The following TCF7L2 variants were observed in gnomAD, a reference collection of about 807,000 sequenced individuals.
TCF7L2 encodes the protein transcription factor 7 like 2, also known as transcription factor 7-like 2.
Under a neutral mutation model 77.9 loss-of-function variants are expected in TCF7L2, and 23 were observed. The ratio of observed to expected loss-of-function variants is 0.30; its 90% confidence interval spans 0.21 to 0.42. The LOEUF (loss-of-function observed/expected upper bound fraction) is 0.42, where lower values mean the gene tolerates loss of function less well. Ranked by LOEUF, TCF7L2 falls within the 10% of genes least tolerant of loss-of-function variation. The probability of loss-of-function intolerance (pLI) is 1.00; values close to 1 mark genes in which losing one functional copy is unlikely to be tolerated. For missense variants in TCF7L2, 654 were observed against 793.1 expected (o/e 0.82, Z 2.11); for synonymous variants, 413 against 340.2 (o/e 1.21, Z -2.36).
chr10:113,119,328 G>C (rs1228987007), intron 5 of TCF7L2, among the ~76,000 whole-genome samples: 1 of 152,128 alleles, frequency 6.6e-6, no homozygotes, highest in East Asian at 1.9e-4. Flanking sequence ...GGCTATTGCT[G>C]CGGACCACGC....
chr10:113,059,230 G>A (rs2055980457), intron 5 of TCF7L2, among the ~76,000 whole-genome samples: 1 of 152,054 alleles, frequency 6.6e-6, no homozygotes, highest in Non-Finnish European at 1.5e-5. Flanking sequence ...CCAGAGTTTG[G>A]ACTGTTAGGT....
intron 5 of TCF7L2, among the ~76,000 whole-genome samples, chr10:113,084,926 A>C (rs2059682813): frequency 6.6e-6 from 1 of 151,926 alleles, no homozygotes; most frequent in Admixed American, 6.6e-5. Flanking sequence ...AAAAAAACAA[A>C]AAACCCTGAC....
chr10:113,109,389 GTTTA>G (rs1385759231), intron 5 of TCF7L2, among the ~76,000 whole-genome samples: 1 of 152,068 alleles, frequency 6.6e-6, no homozygotes, highest in Non-Finnish European at 1.5e-5. Context: ...ATTTTTATTT[GTTTA>G]TTTATTTTTT....
At chr10:113,137,097 A>C (rs1316351193) in intron 5 of TCF7L2, among the ~76,000 whole-genome samples, 2 of 152,024 alleles carry the variant, frequency 1.3e-5, no homozygotes, top group African/African-American at 4.8e-5. Flanking sequence ...GACTTTTCTC[A>C]CAAGAGATAT....
At chr10:113,065,715 T>G (rs1318201201) in intron 5 of TCF7L2, among the ~76,000 whole-genome samples, 4 of 152,164 alleles carry the variant, frequency 2.6e-5, no homozygotes, top group African/African-American at 9.7e-5. Flanking sequence ...CTTGAGAAGT[T>G]AATAATCTCC....
intron 4 of TCF7L2, among the ~76,000 whole-genome samples, chr10:112,995,251 G>A (rs1441048451): frequency 6.6e-6 from 1 of 152,244 alleles, no homozygotes; most frequent in Non-Finnish European, 1.5e-5. Context: ...GACTGGGCTA[G>A]AGGTGAAGAA....
chr10:113,027,794 T>A (rs2049461013), intron 4 of TCF7L2, among the ~76,000 whole-genome samples: 1 of 151,872 alleles, frequency 6.6e-6, no homozygotes. Flanking sequence ...CTCACCCTAT[T>A]CAACCCAGCC....
At chr10:113,077,803 G>T (rs1180930083) in intron 5 of TCF7L2, among the ~76,000 whole-genome samples, 2 of 150,448 alleles carry the variant, frequency 1.3e-5, no homozygotes, top group Non-Finnish European at 3.0e-5. Flanking sequence ...AGGTTCAGGC[G>T]ATTCACCTGC....
intron 8 of TCF7L2, among the ~76,000 whole-genome samples, chr10:113,150,535 T>C (rs1318175545): frequency 6.6e-6 from 1 of 152,226 alleles, no homozygotes; most frequent in Non-Finnish European, 1.5e-5. Context: ...TTGCACAGCA[T>C]TGTCAAAAAT....
intron 4 of TCF7L2, among the ~76,000 whole-genome samples, chr10:112,965,064 A>G (rs1564719975): frequency 6.6e-6 from 1 of 152,030 alleles, no homozygotes; most frequent in African/African-American, 2.4e-5. Flanking sequence ...GAGAGGTGGG[A>G]GAGGAGGCCG....
intron 4 of TCF7L2, among the ~76,000 whole-genome samples, chr10:113,017,388 AGC>A (rs2047521775): frequency 5.1e-5 from 2 of 39,440 alleles, no homozygotes; most frequent in Admixed American, 1.7e-4. Context: ...CCAGTGGTGG[AGC>A]GGGAGCTCAG....
chr10:113,090,375 G>A (rs1395759211), intron 5 of TCF7L2, among the ~76,000 whole-genome samples: 1 of 152,152 alleles, frequency 6.6e-6, no homozygotes, highest in Non-Finnish European at 1.5e-5. Flanking sequence ...TATACCTATT[G>A]GGTGCTGTGC....
In TCF7L2 at chr10:113,012,987, C is replaced by T. The variant is rs139116149; in HGVS notation, c.451-27038C>T. ...TGGGGTCTTCTCGCCTGGTGCAGTC[C>T]GGCCCAGTATTCATACTGAGGTTTG... On this transcript the variant is annotated intron_variant, in intron 4 of 13. Transcript: ENST00000627217. Among the ~76,000 whole-genome samples the T allele has an allele frequency of 9.5e-4, 144 of 152,144 alleles. 1 individual carries two copies. The South Asian group carries it at 0.019, about 20-fold the overall frequency.
At position 112,950,640 on chromosome 10, in the gene TCF7L2, C is replaced by A; in HGVS notation, c.-117C>A. 1 of 1,180,898 alleles carries A rather than the reference C, an allele frequency of 8.5e-7. No homozygotes were observed. Among genetic ancestry groups the A allele is most frequent in the Non-Finnish European group, 1.1e-6 (1 of 875,328 alleles). The allele number at this position is 1,180,898 out of a possible 1,614,324, so 73.2% of individuals were successfully genotyped here. A position where few individuals can be genotyped will look rare whatever the true frequency, so the allele number is the denominator to read the frequency against. ...CAAGCAGAAAAAAGTTCACCTTGGA[C>A]TCGTCTTTTTCTTGCAATATTTTTT... On this transcript the variant is annotated 5_prime_UTR_variant, in exon 1 of 14. Transcript: ENST00000627217.
chr10:113,037,315 T>G (rs1296198500), intron 4 of TCF7L2, among the ~76,000 whole-genome samples: 1 of 152,146 alleles, frequency 6.6e-6, no homozygotes, highest in East Asian at 1.9e-4. Flanking sequence ...CAAGTTGCAC[T>G]GGGAAGGAGA....
At chr10:113,026,335 AT>A (rs1278986347) in intron 4 of TCF7L2, among the ~76,000 whole-genome samples, 1 of 150,130 alleles carries the variant, frequency 6.7e-6, no homozygotes, top group Non-Finnish European at 1.5e-5. Flanking sequence ...TTTTTTAAGT[AT>A]TTTTAGTAGA....
chr10:113,037,620 A>T (rs1434272238), intron 4 of TCF7L2, among the ~76,000 whole-genome samples: 1 of 152,212 alleles, frequency 6.6e-6, no homozygotes, highest in Non-Finnish European at 1.5e-5. Flanking sequence ...ATAAGTCTCC[A>T]TGTTAATATT....
At chr10:113,126,987 A>G (rs1343010537) in intron 5 of TCF7L2, 23 of 931,222 alleles carry the variant, frequency 2.5e-5, no homozygotes, top group Admixed American at 6.2e-5. Flanking sequence ...GTCCGCATGC[A>G]TGCTCTCAGC....
intron 5 of TCF7L2, among the ~76,000 whole-genome samples, chr10:113,046,744 A>T (rs986666950): frequency 6.6e-6 from 1 of 152,188 alleles, no homozygotes; most frequent in Admixed American, 6.5e-5. Context: ...TTCTTCATTC[A>T]TAAAGTTTAT....
Sources: gnomAD v4.1 joint callset for allele counts (sites outside exome capture counted in the v4.1 genomes callset) on GRCh38, gnomAD v4.1.1 for gene constraint, MANE v1.5 for transcripts, NCBI Gene and HGNC (gene_info 2026-07-23, HGNC 2026-07-21) for gene names.